The following STK32B variants were observed in gnomAD, a reference collection of about 807,000 sequenced individuals.
STK32B encodes the protein serine/threonine-protein kinase 32B.
STK32B carries 43 observed loss-of-function variants against 52.6 expected under a neutral mutation model. The ratio of observed to expected loss-of-function variants is 0.82; its 90% confidence interval spans 0.64 to 1.05. The LOEUF (loss-of-function observed/expected upper bound fraction) is 1.05. Ranked by LOEUF, STK32B falls within the 50% of genes least tolerant of loss-of-function variation. The pLI is 0.00. For missense variants in STK32B, 621 were observed against 534.6 expected (o/e 1.16, Z -1.59); for synonymous variants, 238 against 204.3 (o/e 1.17, Z -1.41).
chr4:5,236,092 A>AT (rs1030958413), intron 3 of STK32B, among the ~76,000 whole-genome samples: 2 of 152,192 alleles, frequency 1.3e-5, no homozygotes, highest in African/African-American at 4.8e-5. Context: ...TGGCATGTCA[A>AT]TTATGGTGCA....
rs576017033 is a variant in STK32B at position 5,070,888 on chromosome 4, G to T, written c.52+18973G>T. Reference sequence around the variant, plus strand: ...GCGGAACCTCCTGAGTCCACAGAAGGCCGTCCCACAAGAAGGCGTTCCTAG... The same window carrying T: ...GCGGAACCTCCTGAGTCCACAGAAGTCCGTCCCACAAGAAGGCGTTCCTAG... On this transcript the variant is annotated intron_variant, in intron 1 of 11. Transcript: ENST00000282908. Among the ~76,000 whole-genome samples the T allele has an allele frequency of 1.2e-4, 19 of 152,282 alleles. 1 individual carries two copies. The East Asian group carries it at 3.5e-3, about 28-fold the overall frequency.
At chr4:5,055,894 C>A (rs936551669) in intron 1 of STK32B, among the ~76,000 whole-genome samples, 1 of 151,822 alleles carries the variant, frequency 6.6e-6, no homozygotes, top group Non-Finnish European at 1.5e-5. Flanking sequence ...TTATCACCAT[C>A]TATCATAATA....
At chr4:5,177,702 C>G (rs1485529310) in intron 3 of STK32B, among the ~76,000 whole-genome samples, 1 of 152,124 alleles carries the variant, frequency 6.6e-6, no homozygotes, top group African/African-American at 2.4e-5. Context: ...GTAAATATAC[C>G]CATTCCAAAT....
At chr4:5,364,605 G>A (rs10017740) in intron 4 of STK32B, among the ~76,000 whole-genome samples, 7,638 of 152,212 alleles carry the variant, frequency 0.05, 296 homozygotes, top group African/African-American at 0.1. Context: ...CCTGAGTCAC[G>A]TGACTATCCC....
At chr4:5,077,412 C>T (rs954072558) in intron 1 of STK32B, among the ~76,000 whole-genome samples, 1 of 152,090 alleles carries the variant, frequency 6.6e-6, no homozygotes, top group Non-Finnish European at 1.5e-5. Flanking sequence ...GCCACAGTTT[C>T]CCCAACCAGC....
At chr4:5,297,300 T>C (rs1729265502) in intron 3 of STK32B, among the ~76,000 whole-genome samples, 1 of 152,202 alleles carries the variant, frequency 6.6e-6, no homozygotes, top group Non-Finnish European at 1.5e-5. Context: ...GTTCTCTGTA[T>C]TTCCTGAATT....
intron 3 of STK32B, among the ~76,000 whole-genome samples, chr4:5,247,406 G>C (rs555450565): frequency 6.6e-6 from 1 of 152,320 alleles, no homozygotes; most frequent in African/African-American, 2.4e-5. Context: ...TGTACCGTTT[G>C]TTAAGCCTGT....
chr4:5,023,011 GTGTGTGTGTATATGTGTGTGTT>G, the STK32B span, among the ~76,000 whole-genome samples: 28 of 152,142 alleles, frequency 1.8e-4, no homozygotes, highest in Non-Finnish European at 2.9e-4. Context: ...ATGTGTGTGT[GTGTGTGTGTATATGTGTGTGTT>G]TGTGTGTGTC....
intron 11 of STK32B, among the ~76,000 whole-genome samples, chr4:5,475,126 G>A (rs573919660): frequency 2.0e-5 from 3 of 152,166 alleles, no homozygotes; most frequent in Non-Finnish European, 4.4e-5. Context: ...ATTAGGGCCC[G>A]GTTTAAAAAG....
At chr4:5,365,268 T>C (rs1734805274) in intron 4 of STK32B, among the ~76,000 whole-genome samples, 1 of 152,228 alleles carries the variant, frequency 6.6e-6, no homozygotes, top group Non-Finnish European at 1.5e-5. Context: ...TTTGGCATAC[T>C]TCTGTAATAG....
chr4:5,425,815 C>G (rs564824435), intron 6 of STK32B, among the ~76,000 whole-genome samples: 2 of 152,322 alleles, frequency 1.3e-5, no homozygotes, highest in East Asian at 3.9e-4. Context: ...TGGCAACCAG[C>G]AATTGATTTT....
At chr4:5,496,336 T>C (rs904465019) in intron 11 of STK32B, among the ~76,000 whole-genome samples, 6 of 152,142 alleles carry the variant, frequency 3.9e-5, no homozygotes, top group African/African-American at 1.4e-4. Flanking sequence ...CTCAGACTGC[T>C]GTGCTAGCAA....
chr4:5,434,870 A>G (rs1202168487), intron 6 of STK32B, among the ~76,000 whole-genome samples: 2 of 152,182 alleles, frequency 1.3e-5, no homozygotes, highest in African/African-American at 2.4e-5. Context: ...GATCGCAACT[A>G]TTGGCATTGT....
rs550652414 is a variant in STK32B, at chr4:5,387,253, G to A, written c.435-10954G>A. 2.6e-5 allele frequency among the ~76,000 whole-genome samples: 4 copies of A among 152,286 alleles called. No homozygotes were observed. In the East Asian group the frequency reaches 7.7e-4, roughly 29 times the overall value. On this transcript the variant is annotated intron_variant, in intron 4 of 11. Transcript: ENST00000282908. The stretch of plus-strand genomic sequence containing the variant: ...CTGGTTGCCTCATGACAAATTTACA[G>A]ACGGGATAATGCCACCAGTGTCTGT...
At chr4:5,448,453 A>T (rs909521512) in intron 7 of STK32B, among the ~76,000 whole-genome samples, 1 of 152,200 alleles carries the variant, frequency 6.6e-6, no homozygotes, top group Non-Finnish European at 1.5e-5. Context: ...AATCTTATGT[A>T]ATCAATCACA....
the STK32B span, among the ~76,000 whole-genome samples, chr4:5,027,553 C>T: frequency 6.6e-6 from 1 of 152,318 alleles, no homozygotes; most frequent in East Asian, 1.9e-4. Context: ...TACTCATCCT[C>T]CTTTGATGTG....
intron 3 of STK32B, among the ~76,000 whole-genome samples, chr4:5,215,010 A>G (rs1428536311): frequency 1.3e-5 from 2 of 152,222 alleles, no homozygotes; most frequent in Admixed American, 6.5e-5. Context: ...TTGCTTTTAA[A>G]AAACCGCACA....
chr4:5,152,934 C>A (rs1055338795), intron 2 of STK32B, among the ~76,000 whole-genome samples: 1 of 152,220 alleles, frequency 6.6e-6, no homozygotes, highest in Non-Finnish European at 1.5e-5. Context: ...CCTGACTAAT[C>A]AGAAACTAAC....
At chr4:5,427,402 A>G (rs1713199103) in intron 6 of STK32B, among the ~76,000 whole-genome samples, 1 of 152,188 alleles carries the variant, frequency 6.6e-6, no homozygotes, top group African/African-American at 2.4e-5. Flanking sequence ...TAATGCTGGC[A>G]ACGTAGTTGA....
Sources: allele counts gnomAD v4.1 joint callset (sites outside exome capture counted in the v4.1 genomes callset), GRCh38; gene constraint gnomAD v4.1.1; transcripts MANE v1.5; gene names NCBI Gene and HGNC (gene_info 2026-07-23, HGNC 2026-07-21).